TRHDE: variants seen among roughly 807,000 people sequenced by gnomAD.
TRHDE encodes thyrotropin-releasing hormone-degrading ectoenzyme.
Under a neutral mutation model 125.7 loss-of-function variants are expected in TRHDE, and 72 were observed. The ratio of observed to expected loss-of-function variants is 0.57; its 90% CI spans 0.47 to 0.70. TRHDE has a LOEUF of 0.70. Ranked by LOEUF, TRHDE falls within the 30% of genes least tolerant of loss-of-function variation. The probability of loss-of-function intolerance (pLI) is 0.00; values close to 1 mark genes in which losing one functional copy is unlikely to be tolerated. For missense variants in TRHDE, 1,110 were observed against 1,327.1 expected, an observed-to-expected ratio of 0.84 and a Z score of 2.54; for synonymous variants, 509 against 509.1, an observed-to-expected ratio of 1.00 and a Z score of 0.00.
intron 7 of TRHDE, among the ~76,000 whole-genome samples, chr12:72,553,643 G>A (rs1869780060): frequency 6.6e-6 from 1 of 152,034 alleles, no homozygotes; most frequent in East Asian, 1.9e-4. Context: ...TTACTTTCCT[G>A]TATTTGGAAG....
intron 6 of TRHDE, among the ~76,000 whole-genome samples, chr12:72,510,738 A>T (rs1878549210): frequency 6.6e-6 from 1 of 152,226 alleles, no homozygotes; most frequent in African/African-American, 2.4e-5. Flanking sequence ...TGAGAAGTAT[A>T]AGCACTGGTT....
At chr12:72,621,564 A>T in intron 14 of TRHDE, 80 bp from the exon 15 acceptor site, 2 of 1,051,750 alleles carry the variant, frequency 1.9e-6, no homozygotes, top group Non-Finnish European at 2.8e-6. Context: ...TTTTTATGTT[A>T]ATAATTTACT....
chr12:72,368,177 T>C (rs1051690175), intron 2 of TRHDE, among the ~76,000 whole-genome samples: 2 of 152,134 alleles, frequency 1.3e-5, no homozygotes, highest in Non-Finnish European at 2.9e-5. Flanking sequence ...ATCGAATCAA[T>C]GACTAGAAAA....
chr12:72,198,309 CT>C (rs1282506518), intron 2 of TRHDE, among the ~76,000 whole-genome samples: 3 of 151,968 alleles, frequency 2.0e-5, no homozygotes, highest in Non-Finnish European at 4.4e-5. Context: ...TTTCATTTCT[CT>C]TGTGTGTATA....
At chr12:72,126,560 G>A (rs907608226) in intron 2 of TRHDE, among the ~76,000 whole-genome samples, 3 of 152,102 alleles carry the variant, frequency 2.0e-5, no homozygotes, top group Admixed American at 1.3e-4. Flanking sequence ...CACACCTACA[G>A]CCATCTGATC....
chr12:72,116,525 G>A lies in TRHDE; in HGVS notation n.279+10773G>A, dbSNP rs183048559. 3.3e-5 allele frequency among the ~76,000 whole-genome samples: 5 copies of A among 152,148 alleles called. No individual in the cohort carries two copies. In the East Asian group the frequency reaches 7.7e-4, roughly 24 times the overall value. On this transcript the variant is annotated intron_variant and non_coding_transcript_variant, in intron 2 of 4. Transcript: ENST00000548156. ...CTCCATATCTTCCCCAGCATCTGTT[G>A]TTTCCTGACTTTATAATGATTGACA...
intron 5 of TRHDE, among the ~76,000 whole-genome samples, chr12:72,495,378 A>T (rs1257939753): frequency 2.0e-5 from 3 of 151,970 alleles, no homozygotes; most frequent in Non-Finnish European, 4.4e-5. Flanking sequence ...TATTAAGACC[A>T]AGCTTCAACC....
At chr12:72,271,802 C>T, upstream of TRHDE, 1 of 415,086 alleles carries the variant, frequency 2.4e-6, no homozygotes, top group South Asian at 1.8e-5. Context: ...GGATATGGAG[C>T]AAACCCAGAG....
chr12:72,105,747 C>T lies in TRHDE; in HGVS notation n.274C>T, dbSNP rs374138936. 15 of 152,234 alleles carry T rather than the reference C, an allele frequency of 9.9e-5. No homozygotes were observed. In the East Asian group the frequency reaches 2.7e-3, roughly 27 times the overall value. The allele number at this position is 152,234 out of a possible 1,614,324, so 9.4% of individuals were successfully genotyped here. ...TGCTTTTCACTGCTGTGCTATGCCA[C>T]TAAAGGTAATACATCTTAAAGTTTA... On this transcript the variant is annotated non_coding_transcript_exon_variant, in exon 2 of 5. Transcript: ENST00000548156.
At chr12:72,396,022 T>C (rs755735411) in intron 3 of TRHDE, among the ~76,000 whole-genome samples, 10 of 152,162 alleles carry the variant, frequency 6.6e-5, no homozygotes, top group Non-Finnish European at 1.3e-4. Context: ...GTATGCCATG[T>C]ATGAATTTTC....
chr12:72,099,465 C>T (rs549101232), intron 1 of TRHDE, among the ~76,000 whole-genome samples: 18 of 152,252 alleles, frequency 1.2e-4, no homozygotes, highest in South Asian at 2.1e-4. Context: ...GATATGGTGA[C>T]GAGCAGGTAA....
intron 2 of TRHDE, among the ~76,000 whole-genome samples, chr12:72,296,929 C>T (rs1013277761): frequency 1.6e-4 from 25 of 151,952 alleles, no homozygotes; most frequent in Admixed American, 6.6e-5. Flanking sequence ...AGAGTCTGTT[C>T]CAAGGAGCTT....
intron 6 of TRHDE, 57 bp from the exon 7 acceptor site, chr12:72,542,234 C>T (rs1473333816): frequency 7.3e-7 from 1 of 1,373,342 alleles, no homozygotes; most frequent in Non-Finnish European, 1.0e-6. Context: ...AGTAAAACAA[C>T]TTTACAATCA....
In TRHDE at chr12:72,640,411, T is replaced by C. The variant is rs919946925; in HGVS notation, c.2676-11911T>C. ...TGACCTGCGCCCACTGTCTGGCACT[T>C]CCTAGTGAGATGAACCCGGTACCTC... On this transcript the variant is annotated intron_variant, in intron 15 of 18. Coordinates refer to ENST00000261180, the MANE Select transcript of TRHDE (RefSeq NM_013381.3). Among the ~76,000 whole-genome samples, 9 of 152,336 alleles carry C rather than the reference T, an allele frequency of 5.9e-5. 1 individual carries two copies. In the South Asian group the frequency reaches 8.3e-4, roughly 14 times the overall value.
intron 6 of TRHDE, among the ~76,000 whole-genome samples, chr12:72,503,173 T>C (rs1340019915): frequency 1.3e-5 from 2 of 152,184 alleles, no homozygotes; most frequent in African/African-American, 4.8e-5. Context: ...ATGGATACTC[T>C]GTACTAGTCA....
intron 3 of TRHDE, among the ~76,000 whole-genome samples, chr12:72,446,330 G>A (rs1159606559): frequency 1.3e-5 from 2 of 151,602 alleles, no homozygotes; most frequent in African/African-American, 2.4e-5. Flanking sequence ...TCACCACCAG[G>A]CCTGCCTTAG....
At chr12:72,154,941 G>C (rs540079616) in intron 2 of TRHDE, among the ~76,000 whole-genome samples, 3 of 152,188 alleles carry the variant, frequency 2.0e-5, no homozygotes, top group Non-Finnish European at 4.4e-5. Context: ...ATATTGGCCT[G>C]CCTTGCTAGA....
At chr12:72,341,360 T>A (rs952230647) in intron 2 of TRHDE, among the ~76,000 whole-genome samples, 1 of 147,650 alleles carries the variant, frequency 6.8e-6, no homozygotes, top group African/African-American at 2.5e-5. Context: ...AGTGAGAACA[T>A]GTGGTGGTTG....
intron 2 of TRHDE, among the ~76,000 whole-genome samples, chr12:72,320,600 C>T (rs559013414): frequency 8.8e-5 from 13 of 148,160 alleles, no homozygotes; most frequent in East Asian, 4.0e-4. Flanking sequence ...AACAGAATTG[C>T]GTTGGCTCTT....
Sources: allele counts gnomAD v4.1 joint callset (sites outside exome capture counted in the v4.1 genomes callset), GRCh38; gene constraint gnomAD v4.1.1; transcripts MANE v1.5; gene names NCBI Gene and HGNC (gene_info 2026-07-23, HGNC 2026-07-21).